BYSL: variants seen among roughly 807,000 people sequenced by gnomAD.
BYSL encodes bystin like.
A neutral mutation model predicts 45.4 loss-of-function variants in BYSL; 21 were observed. The ratio of observed to expected loss-of-function variants is 0.46; its 90% CI spans 0.33 to 0.67. The LOEUF (loss-of-function observed/expected upper bound fraction) is 0.67. BYSL is among the 30% of genes least tolerant of loss of function. BYSL has a pLI of 0.02. For missense variants in BYSL, 522 were observed against 578.5 expected (o/e 0.90, Z 1.00); for synonymous variants, 215 against 231.3 (o/e 0.93, Z 0.64).
chr6:41,921,472 C>T (rs1282890736), upstream of BYSL: 4 of 1,466,448 alleles, frequency 2.7e-6, 1 homozygote, highest in East Asian at 4.9e-5. Context: ...GCCGGGCGGC[C>T]TCTTGGGCGC....
At chr6:41,920,540 G>A (rs1373971804), upstream of BYSL, among the ~76,000 whole-genome samples, 1 of 152,154 alleles carries the variant, frequency 6.6e-6, no homozygotes, top group Non-Finnish European at 1.5e-5. Context: ...TACAACCATT[G>A]ATAGGTTCCT....
intron 1 of BYSL, 106 bp downstream of exon 1, chr6:41,921,936 T>G (rs894243310): frequency 4.2e-6 from 6 of 1,423,170 alleles, no homozygotes; most frequent in Middle Eastern, 2.6e-4. Context: ...AACAAAGGGG[T>G]CCGTATTACA....
the BYSL span, among the ~76,000 whole-genome samples, chr6:41,911,234 T>A: frequency 6.7e-6 from 1 of 149,656 alleles, no homozygotes; most frequent in Non-Finnish European, 1.5e-5. Flanking sequence ...CACTGCAACC[T>A]CCACCTCTTA....
upstream of BYSL, chr6:41,921,149 G>A: frequency 8.1e-7 from 1 of 1,227,680 alleles, no homozygotes; most frequent in Admixed American, 2.5e-5. Flanking sequence ...CGTAAAAACA[G>A]AGCGCCGGGT....
At chr6:41,912,432 C>T in the BYSL span, among the ~76,000 whole-genome samples, 31 of 145,788 alleles carry the variant, frequency 2.1e-4, no homozygotes, top group African/African-American at 7.7e-4. Flanking sequence ...TCTGGGCTCA[C>T]TGCAGCCTCT....
At chr6:41,927,275 C>A in intron 1 of BYSL, 99 bp from the exon 2 acceptor site, 1 of 1,425,866 alleles carries the variant, frequency 7.0e-7, no homozygotes, top group Admixed American at 2.0e-5. Flanking sequence ...CTATCACAAC[C>A]ACATGTGAGG....
upstream of BYSL, chr6:41,916,846 T>C: frequency 6.2e-7 from 1 of 1,614,110 alleles, no homozygotes. Context: ...AAAATGTTCC[T>C]TGCTTCTCTG....
At chr6:41,924,947 G>A (rs1775542255) in intron 1 of BYSL, among the ~76,000 whole-genome samples, 1 of 152,290 alleles carries the variant, frequency 6.6e-6, no homozygotes, top group African/African-American at 2.4e-5. Flanking sequence ...GAGGGTGAGG[G>A]CAGGGGATGA....
At chr6:41,909,940 C>T in the BYSL span, among the ~76,000 whole-genome samples, 2 of 152,162 alleles carry the variant, frequency 1.3e-5, no homozygotes, top group African/African-American at 4.8e-5. Flanking sequence ...AAGGAAGTAG[C>T]TGCTCCCTTC....
In BYSL at chr6:41,931,934, T is replaced by G. The variant is rs1582075242; in HGVS notation, c.968+104T>G. ...AGTGGAGAAGGAGCTAAGGAAAGCCTTGGGTTTGTGCTTGTTTAAGCCAAT... is the reference window on the plus strand; with the variant it reads ...AGTGGAGAAGGAGCTAAGGAAAGCCGTGGGTTTGTGCTTGTTTAAGCCAAT... On this transcript the variant is annotated intron_variant, in intron 6 of 6. Coordinates refer to ENST00000230340, the MANE Select transcript of BYSL (RefSeq NM_004053.4). The G allele has an allele frequency of 1.0e-5, 12 of 1,173,882 alleles. No individual in the cohort carries two copies. In the East Asian group the frequency reaches 2.8e-4, roughly 28 times the overall value. 72.7% of individuals were successfully genotyped at this position (1,173,882 alleles called of 1,614,324 possible).
At chr6:41,917,248 AAATT>A (rs1213668179), upstream of BYSL, among the ~76,000 whole-genome samples, 1 of 152,244 alleles carries the variant, frequency 6.6e-6, no homozygotes, top group East Asian at 1.9e-4. Flanking sequence ...AAAAATACAA[AAATT>A]AGCTGGGCGT....
chr6:41,930,624 CTCA>C lies in BYSL; in HGVS notation c.571-8_571-6del. ...GGATGACGATGATTGTTTTACCTCC[CTCA>C]TCCCTAGGTATTATCTAAGTACCGC... On this transcript the variant is annotated splice_polypyrimidine_tract_variant and splice_region_variant and intron_variant, in intron 3 of 6. Transcript: ENST00000230340. The C allele has an allele frequency of 6.2e-7, 1 of 1,600,988 alleles. No homozygotes were observed. The highest frequency in any genetic ancestry group is 8.5e-7 in the Non-Finnish European group (1 of 1,175,010).
chr6:41,921,323 A>T (rs1775461987), upstream of BYSL: 1 of 611,222 alleles, frequency 1.6e-6, no homozygotes, highest in East Asian at 2.9e-5. Context: ...ACACTCAAAG[A>T]CTGCACTATT....
rs778008051 is a variant in BYSL at position 41,932,328 on chromosome 6, T to A, written c.969-33T>A. The A allele has an allele frequency of 6.3e-7, 1 of 1,581,132 alleles. No individual in the cohort carries two copies. Among genetic ancestry groups the A allele is most frequent in the Non-Finnish European group, 8.6e-7 (1 of 1,162,282 alleles). ...AGGATCCTTCTTCCAATGTTTTCCCTGCTTACTCTACCCCACCTCCCTTTC... is the reference window on the plus strand; with the variant it reads ...AGGATCCTTCTTCCAATGTTTTCCCAGCTTACTCTACCCCACCTCCCTTTC... On this transcript the variant is annotated intron_variant, in intron 6 of 6. Transcript: ENST00000230340. This position sits in a 1 kb window ranked among gnomAD's most constrained non-coding sequence, Gnocchi z 4.7.
chr6:41,928,895 G>A (rs753258157), intron 2 of BYSL, among the ~76,000 whole-genome samples: 2 of 152,134 alleles, frequency 1.3e-5, no homozygotes, highest in Admixed American at 1.3e-4. Flanking sequence ...CAAACTCAGT[G>A]CCTGGCATTG....
upstream of BYSL, chr6:41,921,111 T>G: frequency 6.5e-7 from 1 of 1,534,472 alleles, no homozygotes; most frequent in South Asian, 1.2e-5. Context: ...CAACACAACC[T>G]TCTGTCTCAG....
At chr6:41,918,675 C>T (rs140085741), upstream of BYSL, among the ~76,000 whole-genome samples, 2,670 of 151,092 alleles carry the variant, frequency 0.018, 49 homozygotes, top group African/African-American at 0.055. Context: ...TGGCCGGGCG[C>T]GGTGGCTCAC....
At chr6:41,918,175 G>A (rs1475202383), upstream of BYSL, among the ~76,000 whole-genome samples, 1 of 152,202 alleles carries the variant, frequency 6.6e-6, no homozygotes, top group Non-Finnish European at 1.5e-5. Context: ...CCTCACGATA[G>A]TCCTATGAAG....
chr6:41,920,285 C>T (rs1775426389), upstream of BYSL, among the ~76,000 whole-genome samples: 9 of 152,184 alleles, frequency 5.9e-5, no homozygotes, highest in South Asian at 1.9e-3. Context: ...TTCCTCTAGA[C>T]CCAAGATCTT....
Sources: allele counts gnomAD v4.1 joint callset (sites outside exome capture counted in the v4.1 genomes callset), GRCh38; gene constraint gnomAD v4.1.1; non-coding constraint Gnocchi (gnomAD v3.1); transcripts MANE v1.5; gene names NCBI Gene and HGNC (gene_info 2026-07-23, HGNC 2026-07-21).